CCSER1: variants seen among roughly 807,000 people sequenced by gnomAD.
CCSER1 encodes the protein coiled-coil serine rich protein 1, also known as serine-rich coiled-coil domain-containing protein 1.
A neutral mutation model predicts 82.0 loss-of-function variants in CCSER1; 41 were observed. The observed-to-expected ratio is 0.50, with a 90% CI of 0.39 to 0.65. The LOEUF (loss-of-function observed/expected upper bound fraction) is 0.65, where lower values mean the gene tolerates loss of function less well. Ranked by LOEUF, CCSER1 falls within the 30% of genes least tolerant of loss-of-function variation. The pLI is 0.00. For missense variants in CCSER1, 1,119 were observed against 1,064.2 expected (o/e 1.05, Z -0.72); for synonymous variants, 414 against 383.9 (o/e 1.08, Z -0.92).
chr4:90,799,273 G>T (rs1017770290), intron 7 of CCSER1, among the ~76,000 whole-genome samples: 1 of 152,182 alleles, frequency 6.6e-6, no homozygotes, highest in African/African-American at 2.4e-5. Context: ...AGGGCAGGGT[G>T]CTGGCAGGGG....
intron 3 of CCSER1, among the ~76,000 whole-genome samples, chr4:90,349,809 C>T (rs1743097810): frequency 6.6e-6 from 1 of 152,032 alleles, no homozygotes; most frequent in Non-Finnish European, 1.5e-5. Context: ...CGTATAACCA[C>T]AGGAAACCTC....
intron 9 of CCSER1, among the ~76,000 whole-genome samples, chr4:90,965,517 G>A (rs1341450199): frequency 6.6e-6 from 1 of 152,052 alleles, no homozygotes; most frequent in Non-Finnish European, 1.5e-5. Context: ...GCAAAAGCCG[G>A]GAGACTTATT....
intron 4 of CCSER1, among the ~76,000 whole-genome samples, chr4:90,426,971 A>G (rs905852209): frequency 1.3e-5 from 2 of 152,108 alleles, no homozygotes; most frequent in African/African-American, 4.8e-5. Flanking sequence ...ATGTGTGTTT[A>G]TAGGATAAGA....
In CCSER1 at chr4:91,566,899, C is replaced by T. The variant is rs192533481; in HGVS notation, c.2218-31673C>T. ...TGTCTTTGTTTCCTTCAGTTCAGCT[C>T]TGATTTTTATTATTTCTCATCTTCT... On this transcript the variant is annotated intron_variant, in intron 10 of 10. Coordinates refer to ENST00000509176, the MANE Select transcript of CCSER1 (RefSeq NM_001145065.2). Among the ~76,000 whole-genome samples, 413 of 152,018 alleles carry T rather than the reference C, an allele frequency of 2.7e-3. 1 individual carries two copies. Among genetic ancestry groups the T allele is most frequent in the African/African-American group, 9.5e-3 (394 of 41,466 alleles).
At chr4:90,691,619 T>TA (rs1735957283) in intron 6 of CCSER1, among the ~76,000 whole-genome samples, 1 of 144,724 alleles carries the variant, frequency 6.9e-6, no homozygotes, top group Admixed American at 7.0e-5. Flanking sequence ...CACATGTATA[T>TA]ATGTGTATGT....
chr4:90,947,044 A>G (rs1294061905), intron 9 of CCSER1, among the ~76,000 whole-genome samples: 1 of 152,222 alleles, frequency 6.6e-6, no homozygotes, highest in African/African-American at 2.4e-5. Context: ...AATGTCTTAG[A>G]TTGTACAACA....
At chr4:90,151,982 C>T (rs1050381417) in intron 1 of CCSER1, among the ~76,000 whole-genome samples, 2 of 152,094 alleles carry the variant, frequency 1.3e-5, no homozygotes, top group African/African-American at 4.8e-5. Context: ...ATCTCCAGCT[C>T]TATTAAGTAA....
chr4:90,852,477 GCTGCAGAAGCCAGATA>G (rs1293463119), intron 8 of CCSER1, among the ~76,000 whole-genome samples: 4 of 152,226 alleles, frequency 2.6e-5, no homozygotes, highest in African/African-American at 4.8e-5. Flanking sequence ...AAGCCATGGT[GCTGCAGAAGCCAGATA>G]CTGCAGAAGC....
chr4:90,674,972 C>T (rs1417342530), intron 6 of CCSER1, among the ~76,000 whole-genome samples: 1 of 151,892 alleles, frequency 6.6e-6, no homozygotes, highest in African/African-American at 2.4e-5. Flanking sequence ...GTGGGTGATT[C>T]AGTAAATGCA....
At chr4:91,092,884 C>G (rs1724111889) in intron 10 of CCSER1, among the ~76,000 whole-genome samples, 1 of 152,286 alleles carries the variant, frequency 6.6e-6, no homozygotes, top group African/African-American at 2.4e-5. Context: ...CCTTGGCTCA[C>G]TGAGGTGGAA....
At chr4:90,949,868 C>G (rs990909841) in intron 9 of CCSER1, among the ~76,000 whole-genome samples, 2 of 152,026 alleles carry the variant, frequency 1.3e-5, no homozygotes, top group African/African-American at 4.8e-5. Flanking sequence ...GTAGCAGACT[C>G]TAGAATTATC....
intron 10 of CCSER1, among the ~76,000 whole-genome samples, chr4:91,443,509 G>T (rs1368783764): frequency 8.6e-6 from 1 of 116,116 alleles, no homozygotes; most frequent in Non-Finnish European, 1.7e-5. Flanking sequence ...CTGTTGTGGG[G>T]TGGGGGGAGG....
intron 3 of CCSER1, among the ~76,000 whole-genome samples, chr4:90,392,034 G>A (rs1221467516): frequency 6.6e-6 from 1 of 151,980 alleles, no homozygotes; most frequent in Non-Finnish European, 1.5e-5. Flanking sequence ...GAATCAAGGA[G>A]ATGGTGTCTG....
intron 1 of CCSER1, among the ~76,000 whole-genome samples, chr4:90,255,759 G>A (rs1723169596): frequency 1.3e-5 from 2 of 152,164 alleles, no homozygotes. Flanking sequence ...AGCAAGAGAA[G>A]TCTTTATAGA....
At chr4:91,189,517 C>T (rs1318728462) in intron 10 of CCSER1, among the ~76,000 whole-genome samples, 1 of 152,096 alleles carries the variant, frequency 6.6e-6, no homozygotes, top group Non-Finnish European at 1.5e-5. Flanking sequence ...TTCTGTATGA[C>T]CTCATTTGAA....
intron 10 of CCSER1, among the ~76,000 whole-genome samples, chr4:91,438,806 A>G (rs1350084953): frequency 6.6e-6 from 1 of 152,246 alleles, no homozygotes; most frequent in Non-Finnish European, 1.5e-5. Flanking sequence ...GGAGCTGAAC[A>G]CCAAGGCTCG....
At chr4:90,750,646 G>A (rs949255850) in intron 7 of CCSER1, among the ~76,000 whole-genome samples, 11 of 152,094 alleles carry the variant, frequency 7.2e-5, no homozygotes, top group African/African-American at 2.2e-4. Flanking sequence ...CCGATATAGA[G>A]ATATTTAGTA....
intron 7 of CCSER1, among the ~76,000 whole-genome samples, chr4:90,802,398 A>T (rs1049891701): frequency 4.0e-5 from 6 of 150,986 alleles, no homozygotes; most frequent in Admixed American, 2.6e-4. Flanking sequence ...TAAAATTTTT[A>T]AATAGTATTT....
At chr4:90,801,271 A>G (rs1477762617) in intron 7 of CCSER1, among the ~76,000 whole-genome samples, 1 of 152,126 alleles carries the variant, frequency 6.6e-6, no homozygotes, top group Non-Finnish European at 1.5e-5. Context: ...TGCTACAATT[A>G]CTTTCTCTGC....
Sources: gnomAD v4.1 joint callset for allele counts (sites outside exome capture counted in the v4.1 genomes callset) on GRCh38, gnomAD v4.1.1 for gene constraint, MANE v1.5 for transcripts, NCBI Gene and HGNC (gene_info 2026-07-23, HGNC 2026-07-21) for gene names.